ABTB3: variants seen among roughly 807,000 people sequenced by gnomAD.
ABTB3 encodes the protein ankyrin repeat- and BTB/POZ domain-containing protein 3.
the ABTB3 span, chr12:107,319,752 G>A: frequency 9.3e-6 from 14 of 1,510,734 alleles, no homozygotes; most frequent in Non-Finnish European, 1.2e-5. Context: ...TCGGGCTCCG[G>A]CCCAGGCCCG....
the ABTB3 span, among the ~76,000 whole-genome samples, chr12:107,404,162 CAAAAAAAAAAAAA>C: frequency 2.5e-5 from 1 of 40,252 alleles, no homozygotes; most frequent in Non-Finnish European, 4.4e-5. Context: ...GACTCTAACT[CAAAAAAAAAAAAA>C]AAAAAAAAAA....
chr12:107,319,764 G>T, the ABTB3 span: 8 of 1,495,818 alleles, frequency 5.3e-6, no homozygotes, highest in African/African-American at 1.0e-4. Flanking sequence ...CCAGGCCCGA[G>T]CTCGGGCCCT....
the ABTB3 span, among the ~76,000 whole-genome samples, chr12:107,455,248 TTA>T: frequency 6.6e-6 from 1 of 152,230 alleles, no homozygotes; most frequent in East Asian, 1.9e-4. Context: ...TCTGCACCAC[TTA>T]ACTGTATGAT....
the ABTB3 span, among the ~76,000 whole-genome samples, chr12:107,481,569 G>C: frequency 2.0e-5 from 3 of 152,228 alleles, no homozygotes; most frequent in African/African-American, 7.2e-5. Context: ...AGAGAAGAAG[G>C]CATGGAAGCC....
chr12:107,614,304 G>A, the ABTB3 span, among the ~76,000 whole-genome samples: 7 of 152,066 alleles, frequency 4.6e-5, no homozygotes, highest in South Asian at 2.1e-4. Flanking sequence ...TTCATGATGC[G>A]TCCTGGGAAA....
the ABTB3 span, among the ~76,000 whole-genome samples, chr12:107,422,611 G>A: frequency 6.6e-6 from 1 of 152,246 alleles, no homozygotes; most frequent in East Asian, 1.9e-4. Flanking sequence ...CAGTGGAGGT[G>A]ATGAGAAGTT....
At chr12:107,557,018 A>T in the ABTB3 span, among the ~76,000 whole-genome samples, 1 of 152,146 alleles carries the variant, frequency 6.6e-6, no homozygotes, top group Non-Finnish European at 1.5e-5. Flanking sequence ...TCTCAAAAAA[A>T]AAAGTGGTAT....
At chr12:107,564,086 C>CTGTG in the ABTB3 span, among the ~76,000 whole-genome samples, 3 of 107,778 alleles carry the variant, frequency 2.8e-5, no homozygotes, top group East Asian at 8.5e-4. Context: ...CTCTATCTAT[C>CTGTG]TCTCTGTGTG....
the ABTB3 span, among the ~76,000 whole-genome samples, chr12:107,471,817 G>T: frequency 2.0e-5 from 3 of 152,160 alleles, no homozygotes; most frequent in African/African-American, 2.4e-5. Flanking sequence ...CTAGAGTTCA[G>T]ACTGTGGGCT....
the ABTB3 span, among the ~76,000 whole-genome samples, chr12:107,430,053 T>C: frequency 6.6e-6 from 1 of 152,272 alleles, no homozygotes; most frequent in Non-Finnish European, 1.5e-5. Flanking sequence ...TTTTCTATGC[T>C]TAAAGCTATA....
the ABTB3 span, among the ~76,000 whole-genome samples, chr12:107,601,998 G>A: frequency 1.3e-5 from 2 of 152,180 alleles, no homozygotes; most frequent in African/African-American, 4.8e-5. Context: ...CCTCAGGGGT[G>A]GGCTTAACAG....
chr12:107,590,595 G>C, the ABTB3 span, among the ~76,000 whole-genome samples: 1 of 152,240 alleles, frequency 6.6e-6, no homozygotes, highest in South Asian at 2.1e-4. Context: ...CAACAGGCTG[G>C]TGTGGGTGGA....
the ABTB3 span, among the ~76,000 whole-genome samples, chr12:107,444,257 G>A: frequency 2.9e-4 from 44 of 152,312 alleles, no homozygotes; most frequent in East Asian, 7.7e-4. Context: ...CAGCATAGCC[G>A]AGGGGCTTAG....
At chr12:107,408,003 C>T in the ABTB3 span, among the ~76,000 whole-genome samples, 1 of 151,988 alleles carries the variant, frequency 6.6e-6, no homozygotes, top group African/African-American at 2.4e-5. Flanking sequence ...CCACGTCAAA[C>T]CTGTCGTTGC....
chr12:107,393,333 C>A, the ABTB3 span, among the ~76,000 whole-genome samples: 82 of 66,028 alleles, frequency 1.2e-3, 1 homozygote, highest in African/African-American at 4.9e-3. Context: ...CTGTATCAGG[C>A]AGGGTGGGGG....
At chr12:107,319,894 C>CGCCGCGGCCGCCGCAGTCCCGCCGGCA in the ABTB3 span, 3 of 1,354,478 alleles carry the variant, frequency 2.2e-6, no homozygotes, top group Non-Finnish European at 2.9e-6. Context: ...CCCCGCCGGC[C>CGCCGCGGCCGCCGCAGTCCCGCCGGCA]GCCGCGGCCG....
the ABTB3 span, among the ~76,000 whole-genome samples, chr12:107,524,958 C>T: frequency 6.6e-6 from 1 of 152,138 alleles, no homozygotes; most frequent in African/African-American, 2.4e-5. Context: ...ACCAATACCT[C>T]CCCAAATACA....
At chr12:107,602,200 C>T in the ABTB3 span, among the ~76,000 whole-genome samples, 1 of 152,220 alleles carries the variant, frequency 6.6e-6, no homozygotes, top group Non-Finnish European at 1.5e-5. Flanking sequence ...GACTCCCTCC[C>T]CACCCTCTGC....
chr12:107,649,317 GT>G, the ABTB3 span: 3 of 1,557,798 alleles, frequency 1.9e-6, no homozygotes, highest in Admixed American at 5.0e-5. Flanking sequence ...GGTCCCTTGG[GT>G]GAGTGGCACT....
Sources: allele counts gnomAD v4.1 joint callset (sites outside exome capture counted in the v4.1 genomes callset), GRCh38; gene constraint gnomAD v4.1.1; transcripts MANE v1.5; gene names NCBI Gene and HGNC (gene_info 2026-07-23, HGNC 2026-07-21).